RNLS: variants seen among roughly 807,000 people sequenced by gnomAD.
RNLS encodes the protein renalase.
A neutral mutation model predicts 39.8 loss-of-function variants in RNLS; 39 were observed. The observed-to-expected ratio is 0.98, with a 90% CI of 0.76 to 1.28. The LOEUF is 1.28. RNLS is among the 50% of genes most tolerant of loss of function. RNLS has a pLI of 0.00. For synonymous variants in RNLS, 147 were observed against 150.7 expected, an observed-to-expected ratio of 0.98 and a Z score of 0.18; for missense variants, 410 against 413.3, an observed-to-expected ratio of 0.99 and a Z score of 0.07.
chr10:88,293,390 T>A (rs1333203313), intron 6 of RNLS, among the ~76,000 whole-genome samples: 1 of 152,174 alleles, frequency 6.6e-6, no homozygotes, highest in Non-Finnish European at 1.5e-5. Flanking sequence ...AATTGAATAT[T>A]TGGTTAACTT....
chr10:88,504,380 G>A (rs1191651661), intron 4 of RNLS, among the ~76,000 whole-genome samples: 2 of 151,966 alleles, frequency 1.3e-5, no homozygotes, highest in Non-Finnish European at 2.9e-5. Flanking sequence ...GCCAAAGAAT[G>A]TATAATGAAT....
At chr10:88,481,783 C>T (rs1844187759) in intron 4 of RNLS, among the ~76,000 whole-genome samples, 2 of 152,056 alleles carry the variant, frequency 1.3e-5, no homozygotes, top group Admixed American at 6.6e-5. Flanking sequence ...ATTTCCATTG[C>T]TTTTCATTTT....
Position 88,366,832 on chromosome 10 carries a change from A to T in RNLS, c.527-4107T>A, listed in dbSNP as rs1850151083. Among the ~76,000 whole-genome samples the T allele has an allele frequency of 2.0e-5, 3 of 151,770 alleles. No individual in the cohort carries two copies. In the South Asian group the frequency reaches 6.2e-4, roughly 32 times the overall value. The stretch of plus-strand genomic sequence containing the variant: ...TTAACCAATTTACCTTTTGCACTAG[A>T]TGTTTCCTTGTTCCCGCTCAAGTTG... On this transcript the variant is annotated intron_variant, in intron 4 of 6. Transcript: ENST00000331772.
At chr10:88,275,915 G>A (rs1050975171) in intron 6 of RNLS, among the ~76,000 whole-genome samples, 1 of 151,934 alleles carries the variant, frequency 6.6e-6, no homozygotes, top group Non-Finnish European at 1.5e-5. Context: ...TTAGCCTAAT[G>A]TAGGGGTGTG....
At chr10:88,254,159 A>T in the RNLS span, among the ~76,000 whole-genome samples, 1 of 152,184 alleles carries the variant, frequency 6.6e-6, no homozygotes, top group Non-Finnish European at 1.5e-5. Context: ...CTTTTGCAGC[A>T]TCTGTCCATT....
At chr10:88,496,396 A>G (rs1845178503) in intron 4 of RNLS, among the ~76,000 whole-genome samples, 1 of 152,176 alleles carries the variant, frequency 6.6e-6, no homozygotes, top group African/African-American at 2.4e-5. Context: ...CGCTTCAGGA[A>G]TGCCATAGCA....
chr10:88,356,016 T>C (rs1302764874), intron 5 of RNLS, among the ~76,000 whole-genome samples: 1 of 152,202 alleles, frequency 6.6e-6, no homozygotes, highest in African/African-American at 2.4e-5. Context: ...GACCCTCTGA[T>C]CCTTGCGCGG....
chr10:88,174,670 T>C, the RNLS span, among the ~76,000 whole-genome samples: 1 of 152,222 alleles, frequency 6.6e-6, no homozygotes, highest in Non-Finnish European at 1.5e-5. Context: ...TAGTATTTTG[T>C]TGACGATTTT....
chr10:88,392,365 G>C (rs1852260345), intron 4 of RNLS, among the ~76,000 whole-genome samples: 1 of 152,168 alleles, frequency 6.6e-6, no homozygotes, highest in Non-Finnish European at 1.5e-5. Flanking sequence ...TAAGACCTGA[G>C]AAAGATCTAA....
intron 4 of RNLS, among the ~76,000 whole-genome samples, chr10:88,509,161 C>A (rs10887831): frequency 6.6e-6 from 1 of 151,854 alleles, no homozygotes; most frequent in Non-Finnish European, 1.5e-5. Context: ...AATGTTATGA[C>A]GCTAATAAAA....
intron 4 of RNLS, among the ~76,000 whole-genome samples, chr10:88,526,409 T>C (rs973740461): frequency 1.3e-5 from 2 of 151,914 alleles, no homozygotes; most frequent in African/African-American, 2.4e-5. Flanking sequence ...AAAAACTGAA[T>C]AAATCTAAAA....
chr10:88,391,843 T>C (rs1423498032), intron 4 of RNLS, among the ~76,000 whole-genome samples: 1 of 152,208 alleles, frequency 6.6e-6, no homozygotes, highest in East Asian at 1.9e-4. Flanking sequence ...ACTAAGCTTT[T>C]TTGTCTTTTA....
Position 88,413,433 on chromosome 10 carries a change from G to C in RNLS, c.527-50708C>G, listed in dbSNP as rs888964593. On this transcript the variant is annotated intron_variant, in intron 4 of 6. Transcript: ENST00000331772. ...GGCACTGTGAAAATAGCAAAGGACA[G>C]CGTGTTTCCCTCTCTCATAAAGCTA... Among the ~76,000 whole-genome samples, 6 of 152,182 alleles carry C rather than the reference G, an allele frequency of 3.9e-5. No homozygotes were observed. In the East Asian group the frequency reaches 1.2e-3, roughly 29 times the overall value.
At chr10:88,272,841 T>C (rs1373185428), downstream of RNLS, among the ~76,000 whole-genome samples, 1 of 152,204 alleles carries the variant, frequency 6.6e-6, no homozygotes, top group Non-Finnish European at 1.5e-5. Flanking sequence ...TGAAAGTCTC[T>C]AATCTAGGGA....
At chr10:88,335,262 G>A (rs141244985) in intron 5 of RNLS, among the ~76,000 whole-genome samples, 307 of 148,948 alleles carry the variant, frequency 2.1e-3, no homozygotes, top group African/African-American at 7.4e-3. Flanking sequence ...CTATTACCCA[G>A]GCTGGAGTGC....
intron 4 of RNLS, among the ~76,000 whole-genome samples, chr10:88,503,237 T>C (rs1442348857): frequency 1.3e-5 from 2 of 152,030 alleles, no homozygotes; most frequent in East Asian, 1.9e-4. Context: ...AAAAACTAGC[T>C]GGGCATGGTG....
chr10:88,455,474 T>C (rs1256818952), intron 4 of RNLS, among the ~76,000 whole-genome samples: 3 of 152,146 alleles, frequency 2.0e-5, no homozygotes, highest in Non-Finnish European at 4.4e-5. Flanking sequence ...TGGTGCGATT[T>C]CGGCTCACTG....
chr10:88,268,154 G>A, the RNLS span, among the ~76,000 whole-genome samples: 12 of 152,134 alleles, frequency 7.9e-5, no homozygotes, highest in Non-Finnish European at 1.8e-4. Context: ...TCAGGGTTGC[G>A]TTATTTCAAT....
At chr10:88,318,763 T>G (rs1469323655) in intron 5 of RNLS, among the ~76,000 whole-genome samples, 4 of 152,112 alleles carry the variant, frequency 2.6e-5, no homozygotes, top group Non-Finnish European at 5.9e-5. Flanking sequence ...CTTTATGAAC[T>G]GAAGGCTGGG....
Sources: allele counts gnomAD v4.1 joint callset (sites outside exome capture counted in the v4.1 genomes callset), GRCh38; gene constraint gnomAD v4.1.1; transcripts MANE v1.5; gene names NCBI Gene and HGNC (gene_info 2026-07-23, HGNC 2026-07-21).